PDE11A: variants seen among roughly 807,000 people sequenced by gnomAD.
PDE11A encodes phosphodiesterase 11A.
A neutral mutation model predicts 100.5 loss-of-function variants in PDE11A; 100 were observed. The observed-to-expected ratio is 1.00, with a 90% CI of 0.85 to 1.18. The LOEUF is 1.18. Among genes scored for constraint, PDE11A ranks in the 50% most tolerant of loss-of-function variants. The pLI is 0.00. For missense variants in PDE11A, 1,141 were observed against 1,152.6 expected, an observed-to-expected ratio of 0.99 and a Z score of 0.15; for synonymous variants, 381 against 420.8, an observed-to-expected ratio of 0.91 and a Z score of 1.16.
chr2:178,052,861 G>C (rs1309689771), intron 1 of PDE11A, among the ~76,000 whole-genome samples: 1 of 152,082 alleles, frequency 6.6e-6, no homozygotes. Context: ...CTGAAACTGA[G>C]GCAATAATTA....
At chr2:177,998,178 C>G (rs773446407) in intron 2 of PDE11A, 5 of 903,884 alleles carry the variant, frequency 5.5e-6, no homozygotes, top group African/African-American at 1.6e-5. Context: ...TTAACCCAGA[C>G]AGTAATTCAT....
chr2:177,714,113 C>G (rs555550841), intron 12 of PDE11A, among the ~76,000 whole-genome samples: 1 of 150,040 alleles, frequency 6.7e-6, no homozygotes, highest in Non-Finnish European at 1.5e-5. Context: ...CCTGCCTCAG[C>G]CTCCTGAGTA....
At chr2:177,657,951 C>T (rs898728302) in intron 19 of PDE11A, among the ~76,000 whole-genome samples, 3 of 152,196 alleles carry the variant, frequency 2.0e-5, no homozygotes, top group African/African-American at 7.2e-5. Context: ...TCAGCTAGAA[C>T]TGGCCAGGAA....
intron 13 of PDE11A, among the ~76,000 whole-genome samples, chr2:177,705,894 G>T (rs756440320): frequency 2.0e-5 from 3 of 152,132 alleles, no homozygotes; most frequent in Non-Finnish European, 4.4e-5. Context: ...AATAGAAGAA[G>T]TCTCCTAGGA....
chr2:177,905,498 T>C (rs575123107), intron 2 of PDE11A, among the ~76,000 whole-genome samples: 2 of 152,316 alleles, frequency 1.3e-5, no homozygotes, highest in East Asian at 3.9e-4. Flanking sequence ...ATTTCTTGGA[T>C]AAAAGAAGGA....
At chr2:177,933,907 T>C (rs2085240281) in intron 2 of PDE11A, among the ~76,000 whole-genome samples, 1 of 152,116 alleles carries the variant, frequency 6.6e-6, no homozygotes, top group African/African-American at 2.4e-5. Flanking sequence ...ATGAATGGTG[T>C]TGGGATAGCT....
intron 19 of PDE11A, among the ~76,000 whole-genome samples, chr2:177,640,692 G>T (rs1008225079): frequency 6.6e-6 from 1 of 152,202 alleles, no homozygotes; most frequent in Non-Finnish European, 1.5e-5. Flanking sequence ...TGCTGCAGTT[G>T]GCTGGAAATC....
chr2:177,957,876 A>G (rs1035234401), intron 2 of PDE11A, among the ~76,000 whole-genome samples: 1 of 128,540 alleles, frequency 7.8e-6, no homozygotes, highest in Non-Finnish European at 1.7e-5. Context: ...CCACCTATAC[A>G]TTGCTCTATC....
At position 177,627,386 on chromosome 2, in the gene PDE11A, A is replaced by C. The variant is rs181902303; in HGVS notation, c.*2021T>G. 1 of 151,650 alleles carries C rather than the reference A, an allele frequency of 6.6e-6. No homozygotes were observed. Among genetic ancestry groups the C allele is most frequent in the Non-Finnish European group, 1.5e-5 (1 of 67,878 alleles). 9.4% of individuals were successfully genotyped at this position (151,650 alleles called of 1,614,324 possible). A position where few individuals can be genotyped will look rare whatever the true frequency, so the allele number is the denominator to read the frequency against. On this transcript the variant is annotated 3_prime_UTR_variant, in exon 20 of 20. Coordinates refer to ENST00000286063, the MANE Select transcript of PDE11A (RefSeq NM_016953.4). Reference sequence around the variant, plus strand: ...TGCCATAAAGAGTCTTTTTCTCTACAATTACCTGCTCTCCCCTCAATTCCA... The same window carrying C: ...TGCCATAAAGAGTCTTTTTCTCTACCATTACCTGCTCTCCCCTCAATTCCA...
intron 10 of PDE11A, among the ~76,000 whole-genome samples, chr2:177,748,681 A>G (rs75313639): frequency 0.02 from 3,027 of 152,232 alleles, 42 homozygotes; most frequent in South Asian, 0.033. Context: ...AAATGATTAC[A>G]ATAACATTTC....
At chr2:177,680,520 T>G (rs1471457231) in intron 16 of PDE11A, among the ~76,000 whole-genome samples, 1 of 152,118 alleles carries the variant, frequency 6.6e-6, no homozygotes, top group Admixed American at 6.5e-5. Context: ...CAAAAATCCC[T>G]TCTCCACCCA....
intron 2 of PDE11A, chr2:177,997,605 T>C (rs1484594549): frequency 3.8e-6 from 4 of 1,061,388 alleles, no homozygotes; most frequent in East Asian, 4.7e-5. Flanking sequence ...AGTGAAGTTG[T>C]CTGATATAAA....
At chr2:177,832,782 C>T (rs1376607035) in intron 6 of PDE11A, among the ~76,000 whole-genome samples, 1 of 152,056 alleles carries the variant, frequency 6.6e-6, no homozygotes, top group South Asian at 2.1e-4. Context: ...AGCATGCAGA[C>T]AACTCCAGTA....
chr2:177,744,976 T>C (rs6734297), intron 10 of PDE11A, among the ~76,000 whole-genome samples: 2,287 of 152,300 alleles, frequency 0.015, 60 homozygotes, highest in African/African-American at 0.053. Flanking sequence ...CGCTCAAATA[T>C]AGTGAGAGCT....
intron 10 of PDE11A, among the ~76,000 whole-genome samples, chr2:177,744,967 G>A (rs376050101): frequency 1.3e-5 from 2 of 152,182 alleles, no homozygotes; most frequent in African/African-American, 2.4e-5. Context: ...CCAACCCATC[G>A]CTCAAATATA....
chr2:177,946,140 TG>T (rs2085424531), intron 2 of PDE11A, among the ~76,000 whole-genome samples: 1 of 73,014 alleles, frequency 1.4e-5, no homozygotes, highest in African/African-American at 5.6e-5. Context: ...CCGCCCCGTC[TG>T]GGAGGTGAGG....
At chr2:177,829,703 C>T (rs1174427971) in intron 6 of PDE11A, among the ~76,000 whole-genome samples, 8 of 151,760 alleles carry the variant, frequency 5.3e-5, no homozygotes, top group Non-Finnish European at 8.8e-5. Flanking sequence ...CCGCCTGCCT[C>T]GGCCTCCTAA....
At chr2:177,677,666 A>AGGAAGGGAGAGTG (rs1162920811) in intron 16 of PDE11A, among the ~76,000 whole-genome samples, 1 of 152,176 alleles carries the variant, frequency 6.6e-6, no homozygotes, top group Non-Finnish European at 1.5e-5. Context: ...GCCTAAAACA[A>AGGAAGGGAGAGTG]GGAAGGGAGA....
chr2:177,860,304 T>C (rs1352637882), intron 5 of PDE11A, among the ~76,000 whole-genome samples: 1 of 151,192 alleles, frequency 6.6e-6, no homozygotes, highest in Non-Finnish European at 1.5e-5. Context: ...AGAAATAAGA[T>C]TATAAAGGAA....
Sources: allele counts gnomAD v4.1 joint callset (sites outside exome capture counted in the v4.1 genomes callset), GRCh38; gene constraint gnomAD v4.1.1; transcripts MANE v1.5; gene names NCBI Gene and HGNC (gene_info 2026-07-23, HGNC 2026-07-21).